Variants in CD109 observed in about 807,000 individuals in gnomAD.
CD109 encodes the protein CD109 molecule.
In CD109, 149 loss-of-function variants were observed where a neutral mutation model predicts 165.8. The ratio of observed to expected loss-of-function variants is 0.90; its 90% CI spans 0.79 to 1.03. The LOEUF (loss-of-function observed/expected upper bound fraction) is 1.03. Among genes scored for constraint, CD109 ranks in the 50% least tolerant of loss-of-function variants. The probability of loss-of-function intolerance (pLI) is 0.00; values close to 1 mark genes in which losing one functional copy is unlikely to be tolerated. For missense variants in CD109, 1,712 were observed against 1,677.8 expected, an observed-to-expected ratio of 1.02 and a Z score of -0.36; for synonymous variants, 585 against 592.1, an observed-to-expected ratio of 0.99 and a Z score of 0.18.
chr6:73,696,829 A>C (rs1434735927), intron 1 of CD109, among the ~76,000 whole-genome samples: 2 of 152,180 alleles, frequency 1.3e-5, no homozygotes, highest in African/African-American at 2.4e-5. Context: ...GTGCTGCTTT[A>C]GTGACTTCTT....
intron 2 of CD109, among the ~76,000 whole-genome samples, chr6:73,720,505 G>T (rs1322853227): frequency 6.6e-6 from 1 of 152,008 alleles, no homozygotes; most frequent in Non-Finnish European, 1.5e-5. Context: ...GATTTTAATT[G>T]TTCCTTTCCA....
At chr6:73,681,324 T>TTGTGTGTGTGTGTGTG in the CD109 span, among the ~76,000 whole-genome samples, 134 of 145,670 alleles carry the variant, frequency 9.2e-4, 2 homozygotes, top group Admixed American at 4.0e-3. Flanking sequence ...CAGTTACCAT[T>TTGTGTGTGTGTGTGTG]TGTGTGTGTG....
chr6:73,722,177 TA>T (rs371903654), intron 2 of CD109, among the ~76,000 whole-genome samples: 22 of 152,360 alleles, frequency 1.4e-4, no homozygotes, highest in South Asian at 8.3e-4. Flanking sequence ...ACTACGTCTA[TA>T]GGGGCATATG....
At chr6:73,807,103 A>G (rs768512264) in intron 25 of CD109, 31 bp downstream of exon 25, 93 of 1,548,752 alleles carry the variant, frequency 6.0e-5, no homozygotes, top group Non-Finnish European at 7.9e-5. Flanking sequence ...TAAATGATAG[A>G]TGGGAAATTC....
chr6:73,788,423 CAT>C (rs1229688139), intron 21 of CD109, 43 bp from the exon 22 acceptor site: 6 of 1,567,578 alleles, frequency 3.8e-6, no homozygotes, highest in Middle Eastern at 1.8e-4. Flanking sequence ...TCTCTGTAAA[CAT>C]GTGAGTAGAG....
intron 2 of CD109, among the ~76,000 whole-genome samples, chr6:73,715,875 A>G (rs1771724793): frequency 6.6e-6 from 1 of 152,140 alleles, no homozygotes; most frequent in African/African-American, 2.4e-5. Context: ...TCATTTTTCT[A>G]ACTATTTTTT....
chr6:73,749,171 C>T (rs934361247), intron 5 of CD109, among the ~76,000 whole-genome samples: 1 of 152,164 alleles, frequency 6.6e-6, no homozygotes, highest in African/African-American at 2.4e-5. Context: ...AAGGAGCTTA[C>T]AATCAGAAAA....
chr6:73,686,993 A>G, the CD109 span, among the ~76,000 whole-genome samples: 1 of 152,210 alleles, frequency 6.6e-6, no homozygotes, highest in Admixed American at 6.5e-5. Context: ...CACCTGGCCT[A>G]TCAGTCACAT....
At chr6:73,808,559 G>T (rs1388853748) in intron 26 of CD109, among the ~76,000 whole-genome samples, 2 of 152,114 alleles carry the variant, frequency 1.3e-5, no homozygotes, top group Non-Finnish European at 2.9e-5. Context: ...TTGGGTTCTG[G>T]AGAGACAGGT....
rs1776203634 is a variant in CD109 at position 73,824,217 on chromosome 6, T to C, written c.*584T>C. On this transcript the variant is annotated 3_prime_UTR_variant, in exon 33 of 33. Transcript: ENST00000287097. ...TGGCACGGTCTTTTTCTGCTTGAAATCTGATCACACCCCCCAGCCATTGCC... is the reference window on the plus strand; with the variant it reads ...TGGCACGGTCTTTTTCTGCTTGAAACCTGATCACACCCCCCAGCCATTGCC... 6.6e-6 allele frequency: 1 copy of C among 150,776 alleles called. No individual in the cohort carries two copies. Among genetic ancestry groups the C allele is most frequent in the South Asian group, 2.1e-4 (1 of 4,802 alleles). The allele number at this position is 150,776 out of a possible 1,614,324, so 9.3% of individuals were successfully genotyped here. A position where few individuals can be genotyped will look rare whatever the true frequency, so the allele number is the denominator to read the frequency against.
At chr6:73,690,815 A>C (rs549421490), upstream of CD109, among the ~76,000 whole-genome samples, 19 of 152,378 alleles carry the variant, frequency 1.2e-4, no homozygotes, top group Non-Finnish European at 5.9e-5. Context: ...TATATTTATA[A>C]CATAATTACT....
Position 73,827,161 on chromosome 6 carries a change from T to C in CD109, c.*3528T>C, listed in dbSNP as rs1030918218. 1 of 152,216 alleles carries C rather than the reference T, an allele frequency of 6.6e-6. No homozygotes were observed. The highest frequency in any genetic ancestry group is 1.5e-5 in the Non-Finnish European group (1 of 68,040). 9.4% of individuals were successfully genotyped at this position (152,216 alleles called of 1,614,324 possible). On this transcript the variant is annotated 3_prime_UTR_variant, in exon 33 of 33. Transcript: ENST00000287097. ...GAATACTCATTTCTTTCTAAAAATA[T>C]GTTGTAAATTCTCCCTTGGCAAGAT...
intron 2 of CD109, among the ~76,000 whole-genome samples, chr6:73,715,322 G>A (rs964945544): frequency 1.3e-5 from 2 of 151,808 alleles, no homozygotes; most frequent in African/African-American, 4.8e-5. Flanking sequence ...TAGGGCCTTG[G>A]GAAGTCAAGG....
At chr6:73,755,524 A>G (rs1298362727) in intron 5 of CD109, among the ~76,000 whole-genome samples, 1 of 152,190 alleles carries the variant, frequency 6.6e-6, no homozygotes, top group Non-Finnish European at 1.5e-5. Context: ...AACAAAAGCT[A>G]TTATTTTATA....
At chr6:73,703,885 G>A (rs1771166928) in intron 2 of CD109, among the ~76,000 whole-genome samples, 1 of 152,094 alleles carries the variant, frequency 6.6e-6, no homozygotes, top group Admixed American at 6.6e-5. Flanking sequence ...CAAGACATGG[G>A]TAAGAATCAA....
At position 73,759,036 on chromosome 6, in the gene CD109, T is replaced by C. The variant is rs770209787; in HGVS notation, c.758+8T>C. 5.8e-6 allele frequency: 9 copies of C among 1,538,712 alleles called. No homozygotes were observed. Among genetic ancestry groups the C allele is most frequent in the Non-Finnish European group, 8.1e-6 (9 of 1,113,162 alleles). On this transcript the variant is annotated splice_region_variant and intron_variant, in intron 7 of 32. Coordinates refer to ENST00000287097, the MANE Select transcript of CD109 (RefSeq NM_133493.5). The stretch of plus-strand genomic sequence containing the variant: ...TGGTACCATCACGGCAAAGTAAGTG[T>C]CATTTTTCTTTTGATATGACTCAAA...
intron 7 of CD109, among the ~76,000 whole-genome samples, chr6:73,760,772 G>C (rs986041235): frequency 6.6e-6 from 1 of 152,118 alleles, no homozygotes; most frequent in Non-Finnish European, 1.5e-5. Context: ...TTGAACCTGG[G>C]AGGCAGAGGT....
In CD109 at chr6:73,777,032, C is replaced by T. The variant is rs186604668; in HGVS notation, c.1828-3392C>T. 6.4e-3 allele frequency among the ~76,000 whole-genome samples: 862 copies of T among 134,812 alleles called. 41 individuals carry two copies. The highest frequency in any genetic ancestry group is 0.024 in the African/African-American group (818 of 34,420). The allele number at this position is 134,812 out of a possible 152,430, so 88.4% of individuals were successfully genotyped here. ...GATGGAGTTTCCCCCTTGTTGCCCA[C>T]GCTGCAACCTCCACCTCCCGGGTTC... On this transcript the variant is annotated intron_variant, in intron 15 of 32. Transcript: ENST00000287097.
intron 2 of CD109, among the ~76,000 whole-genome samples, chr6:73,703,340 A>T (rs1338600494): frequency 6.6e-6 from 1 of 152,254 alleles, no homozygotes; most frequent in Non-Finnish European, 1.5e-5. Context: ...AATCGAAAGA[A>T]TTACAAAATG....
Sources: allele counts gnomAD v4.1 joint callset (sites outside exome capture counted in the v4.1 genomes callset), GRCh38; gene constraint gnomAD v4.1.1; transcripts MANE v1.5; gene names NCBI Gene and HGNC (gene_info 2026-07-23, HGNC 2026-07-21).